The following PLCL2 variants were observed in gnomAD, a reference collection of about 807,000 sequenced individuals.
PLCL2 encodes the protein inactive phospholipase C-like protein 2.
PLCL2 carries 4 observed loss-of-function variants against 79.6 expected under a neutral mutation model. The ratio of observed to expected loss-of-function variants is 0.05; its 90% CI spans 0.02 to 0.11. PLCL2 has a LOEUF of 0.11. PLCL2 is among the 10% of genes least tolerant of loss of function. The pLI, the probability that PLCL2 is intolerant of heterozygous loss-of-function variation, is 1.00. For missense variants in PLCL2, 895 were observed against 1,291.0 expected (o/e 0.69, Z 4.70); for synonymous variants, 484 against 457.7 (o/e 1.06, Z -0.73).
intron 1 of PLCL2, among the ~76,000 whole-genome samples, chr3:16,993,932 G>A (rs1366393670): frequency 1.3e-5 from 2 of 152,118 alleles, no homozygotes; most frequent in African/African-American, 2.4e-5. Flanking sequence ...CATGAGCTAG[G>A]TTCAGGAAGC....
rs201057902 is a variant in PLCL2, at chr3:17,065,308, AT to A, written c.3095-2647del. ...GTTTCCCCATTTCTTCCTTATCTATATCATTTTTTATCCTTTCAACTCTGTT... is the reference window on the plus strand; with the variant it reads ...GTTTCCCCATTTCTTCCTTATCTATACATTTTTTATCCTTTCAACTCTGTT... On this transcript the variant is annotated intron_variant, in intron 4 of 5. Transcript: ENST00000615277. Among the ~76,000 whole-genome samples, 29 of 152,186 alleles carry A rather than the reference AT, an allele frequency of 1.9e-4. No individual in the cohort carries two copies. In the East Asian group the frequency reaches 5.6e-3, roughly 29 times the overall value.
At chr3:16,953,298 T>C (rs925851703) in intron 1 of PLCL2, among the ~76,000 whole-genome samples, 4 of 152,174 alleles carry the variant, frequency 2.6e-5, no homozygotes, top group Non-Finnish European at 5.9e-5. Flanking sequence ...AGCAAAGGGC[T>C]GAATATGTGT....
At chr3:16,982,903 T>G (rs1333989476) in intron 1 of PLCL2, among the ~76,000 whole-genome samples, 2 of 152,260 alleles carry the variant, frequency 1.3e-5, no homozygotes, top group African/African-American at 4.8e-5. Flanking sequence ...TATTTTTATT[T>G]CTGTATAACT....
chr3:17,033,775 G>A (rs1036158551), intron 3 of PLCL2, among the ~76,000 whole-genome samples: 12 of 152,152 alleles, frequency 7.9e-5, no homozygotes, highest in African/African-American at 2.7e-4. Context: ...GCAACCTTCA[G>A]GTCTTTTTCA....
At chr3:16,961,543 G>A (rs553046006) in intron 1 of PLCL2, among the ~76,000 whole-genome samples, 2 of 152,324 alleles carry the variant, frequency 1.3e-5, no homozygotes, top group African/African-American at 4.8e-5. Context: ...AAAGATTCAG[G>A]TGAAGGGTAA....
chr3:17,010,609 T>C lies in PLCL2; in HGVS notation c.1263T>C (p.His421=), dbSNP rs771366376. The part of the protein sequence containing the change: ...SPDCYIFDPE[H]KKVCQDMKQP... ...ACTGTTATATATTCGATCCAGAACA[T>C]AAGAAGGTCTGTCAGGATATGAAGC... The change falls in exon 2 of 6, where the codon CAT becomes CAC. Residue 421 remains histidine (H), a synonymous_variant. Transcript: ENST00000615277. The surrounding 1 kb of genome is among the most constrained non-coding windows in gnomAD (Gnocchi z 5.8). 1 of 1,614,084 alleles carries C rather than the reference T, an allele frequency of 6.2e-7. No individual in the cohort carries two copies.
At chr3:16,975,962 ACAGTGCCTG>A (rs1484213012) in intron 1 of PLCL2, among the ~76,000 whole-genome samples, 4 of 152,194 alleles carry the variant, frequency 2.6e-5, no homozygotes, top group Admixed American at 2.6e-4. Context: ...TGGCTGAAGC[ACAGTGCCTG>A]CAGTGCCTTA....
Position 16,993,007 on chromosome 3 carries a change from G to T in PLCL2, c.328-16667G>T, listed in dbSNP as rs115888389. Among the ~76,000 whole-genome samples, 307 of 152,272 alleles carry T rather than the reference G, an allele frequency of 2.0e-3. 1 individual carries two copies. The highest frequency in any genetic ancestry group is 7.0e-3 in the African/African-American group (290 of 41,548). On this transcript the variant is annotated intron_variant, in intron 1 of 5. Transcript: ENST00000615277. The stretch of plus-strand genomic sequence containing the variant: ...TGAAGCCTACAGGTTGAAAGGTGAG[G>T]AGACCTTTGGTGAAGCCTACGAGTT...
At chr3:16,893,367 G>A (rs770844639) in intron 1 of PLCL2, among the ~76,000 whole-genome samples, 13 of 151,948 alleles carry the variant, frequency 8.6e-5, no homozygotes, top group East Asian at 7.7e-4. Context: ...TTATTGTTTC[G>A]GAATTGTCAA....
chr3:16,934,428 G>A (rs759385625), intron 1 of PLCL2, among the ~76,000 whole-genome samples: 4 of 152,168 alleles, frequency 2.6e-5, no homozygotes, highest in Admixed American at 6.5e-5. Context: ...GGGAACACCA[G>A]CATGCCCAGA....
In PLCL2 at chr3:16,888,909, G is replaced by A. The variant is rs544602421; in HGVS notation, c.327+3543G>A. ...AGTAAAATTCACACTGGTTTGTGTC[G>A]AGTTCTGTGAACTTTGACCAATACA... is the stretch of plus-strand genomic sequence containing the variant. On this transcript the variant is annotated intron_variant, in intron 1 of 5. Transcript: ENST00000615277. Among the ~76,000 whole-genome samples the A allele has an allele frequency of 3.6e-4, 55 of 152,156 alleles. No homozygotes were observed. In the South Asian group the frequency reaches 5.8e-3, roughly 16 times the overall value.
rs1056023349 is a variant in PLCL2 at position 16,946,953 on chromosome 3, CTTTTTTTTT to C, written c.327+61599_327+61607del. ...ATGAATATAAAATTAAAGTTTCATTCTTTTTTTTTTTTTTTTTTTTGAGACAGAGTTTTG... is the reference window on the plus strand; with the variant it reads ...ATGAATATAAAATTAAAGTTTCATTCTTTTTTTTTTTGAGACAGAGTTTTG... On this transcript the variant is annotated intron_variant, in intron 1 of 5. Coordinates refer to ENST00000615277, the MANE Select transcript of PLCL2 (RefSeq NM_001144382.2). Among the ~76,000 whole-genome samples the C allele has an allele frequency of 5.3e-4, 51 of 95,444 alleles. 1 individual carries two copies. Among genetic ancestry groups the C allele is most frequent in the Admixed American group, 3.9e-4 (3 of 7,740 alleles). The allele number at this position is 95,444 out of a possible 152,430, so 62.6% of individuals were successfully genotyped here.
Position 17,009,796 on chromosome 3 carries a change from A to G in PLCL2, c.450A>G (p.Lys150=). The G allele has an allele frequency of 6.2e-7, 1 of 1,613,916 alleles. No homozygotes were observed. The highest frequency in any genetic ancestry group is 8.5e-7 in the Non-Finnish European group (1 of 1,179,802). The change falls in exon 2 of 6, where the codon AAA becomes AAG. Residue 150 remains lysine (K), a synonymous_variant. Transcript: ENST00000615277. This position sits in a 1 kb window ranked among gnomAD's most constrained non-coding sequence, Gnocchi z 4.0. ...CAATGGTTGAGGGTTCAGAACTCAA[A>G]AAGGTTCGCTCCAACTCTAGAATTT... The part of the protein sequence containing the change: ...INSMVEGSEL[K]KVRSNSRIYH...
At chr3:16,987,052 C>T (rs1171289331) in intron 1 of PLCL2, among the ~76,000 whole-genome samples, 1 of 151,228 alleles carries the variant, frequency 6.6e-6, no homozygotes, top group African/African-American at 2.4e-5. Context: ...CCATAAATGT[C>T]AGACTTTTTT....
intron 3 of PLCL2, among the ~76,000 whole-genome samples, chr3:17,022,112 C>T (rs1049708726): frequency 6.6e-6 from 1 of 151,928 alleles, no homozygotes; most frequent in Admixed American, 6.6e-5. Context: ...TTTAAAGGGG[C>T]AAAGGCAGAT....
chr3:16,997,009 G>A (rs2064160404), intron 1 of PLCL2, among the ~76,000 whole-genome samples: 2 of 152,112 alleles, frequency 1.3e-5, no homozygotes, highest in South Asian at 4.1e-4. Flanking sequence ...TATATGATCT[G>A]TCACCCCTCA....
intron 1 of PLCL2, among the ~76,000 whole-genome samples, chr3:16,900,912 C>A (rs1237997702): frequency 6.6e-6 from 1 of 152,162 alleles, no homozygotes; most frequent in East Asian, 1.9e-4. Context: ...TCTCTCACTT[C>A]AAAAATGGAA....
Position 16,913,932 on chromosome 3 carries a change from C to G in PLCL2, c.327+28566C>G, listed in dbSNP as rs768183194. ...GGGACTGTAGCATTAATGTAACACC[C>G]ACTATAATGTGTTTCTTTTAAAAAT... On this transcript the variant is annotated intron_variant, in intron 1 of 5. Coordinates refer to ENST00000615277, the MANE Select transcript of PLCL2 (RefSeq NM_001144382.2). Among the ~76,000 whole-genome samples, 100 of 152,270 alleles carry G rather than the reference C, an allele frequency of 6.6e-4. 1 individual carries two copies. Among genetic ancestry groups the G allele is most frequent in the Non-Finnish European group, 3.4e-4 (23 of 68,020 alleles).
At chr3:17,023,730 A>G (rs933621458) in intron 3 of PLCL2, among the ~76,000 whole-genome samples, 2 of 152,288 alleles carry the variant, frequency 1.3e-5, no homozygotes, top group Admixed American at 6.5e-5. Context: ...AGTTTGATAA[A>G]TCCTGATTTT....
Sources: allele counts gnomAD v4.1 joint callset (sites outside exome capture counted in the v4.1 genomes callset), GRCh38; gene constraint gnomAD v4.1.1; non-coding constraint Gnocchi (gnomAD v3.1); transcripts MANE v1.5; gene names NCBI Gene and HGNC (gene_info 2026-07-23, HGNC 2026-07-21).